WDR25: variants seen among roughly 807,000 people sequenced by gnomAD.
WDR25 encodes the protein WD repeat domain 25, also known as WD repeat-containing protein 25.
Under a neutral mutation model 47.7 loss-of-function variants are expected in WDR25, and 35 were observed. That is an observed-to-expected ratio of 0.73 (90% CI 0.56 to 0.97). WDR25 has a LOEUF of 0.97. Among genes scored for constraint, WDR25 ranks in the 50% least tolerant of loss-of-function variants. WDR25 has a pLI of 0.00. For synonymous variants in WDR25, 248 were observed against 278.9 expected (o/e 0.89, Z 1.10); for missense variants, 634 against 704.7 (o/e 0.90, Z 1.14).
At chr14:100,420,026 G>A (rs552496848) in intron 2 of WDR25, among the ~76,000 whole-genome samples, 2 of 152,238 alleles carry the variant, frequency 1.3e-5, no homozygotes, top group African/African-American at 4.8e-5. Context: ...GAGTGAACGG[G>A]TGCTCGCAGG....
At chr14:100,460,654 A>G (rs1481420430) in intron 2 of WDR25, among the ~76,000 whole-genome samples, 2 of 152,238 alleles carry the variant, frequency 1.3e-5, no homozygotes, top group Admixed American at 6.5e-5. Context: ...GTGATTAAAA[A>G]AAAACAAACT....
Position 100,381,927 on chromosome 14 carries a change from C to T in WDR25, c.822+181C>T. ...AGCTCCGGGTTGTGGGTTCCTTCTG[C>T]CCCAACCCTTCCCTGATGCTGCCTT... On this transcript the variant is annotated intron_variant, in intron 2 of 6. Coordinates refer to ENST00000402312, the MANE Select transcript of WDR25 (RefSeq NM_001161476.3). 8 of 640,124 alleles carry T rather than the reference C, an allele frequency of 1.2e-5. No homozygotes were observed. In the South Asian group the frequency reaches 1.5e-4, roughly 12 times the overall value. The allele number at this position is 640,124 out of a possible 1,614,324, so 39.7% of individuals were successfully genotyped here.
chr14:100,530,137 T>C lies in WDR25; in HGVS notation c.*96T>C. 8.0e-7 allele frequency: 1 copy of C among 1,256,286 alleles called. No individual in the cohort carries two copies. Among genetic ancestry groups the C allele is most frequent in the Non-Finnish European group, 1.1e-6 (1 of 909,690 alleles). The allele number at this position is 1,256,286 out of a possible 1,614,324, so 77.8% of individuals were successfully genotyped here. On this transcript the variant is annotated 3_prime_UTR_variant, in exon 7 of 7. Transcript: ENST00000402312. Reference sequence around the variant, plus strand: ...GAGGAACGAGCACAGAGGTTGGCTGTGGGTCCTGGGTACCACCTTCTGAGC... The same window carrying C: ...GAGGAACGAGCACAGAGGTTGGCTGCGGGTCCTGGGTACCACCTTCTGAGC...
rs560836121 is a variant in WDR25 at position 100,477,507 on chromosome 14, A to C, written c.971-6487A>C. 2.6e-5 allele frequency among the ~76,000 whole-genome samples: 4 copies of C among 152,304 alleles called. No individual in the cohort carries two copies. The East Asian group carries it at 7.7e-4, about 29-fold the overall frequency. ...ACAGGTAAACAAGCAAGATGGTCTT[A>C]AGGTTAAAGGTTATATAACAGCTAA... On this transcript the variant is annotated intron_variant, in intron 3 of 6. Transcript: ENST00000402312.
intron 2 of WDR25, among the ~76,000 whole-genome samples, chr14:100,389,849 G>C (rs1566885556): frequency 6.6e-6 from 1 of 152,116 alleles, no homozygotes; most frequent in African/African-American, 2.4e-5. Context: ...GGGGAGCTCG[G>C]CCCCCCCATA....
At chr14:100,465,754 C>A (rs184130891) in intron 2 of WDR25, among the ~76,000 whole-genome samples, 437 of 152,274 alleles carry the variant, frequency 2.9e-3, no homozygotes, top group Non-Finnish European at 4.9e-3. Context: ...TGTCATAATT[C>A]TACATTTAAT....
intron 2 of WDR25, among the ~76,000 whole-genome samples, chr14:100,461,890 C>T (rs1224568858): frequency 4.0e-5 from 5 of 125,966 alleles, no homozygotes; most frequent in African/African-American, 1.2e-4. Context: ...CTCTTATTTT[C>T]GTTGTATTTT....
At chr14:100,459,376 A>G (rs1214460441) in intron 2 of WDR25, among the ~76,000 whole-genome samples, 1 of 152,208 alleles carries the variant, frequency 6.6e-6, no homozygotes, top group Non-Finnish European at 1.5e-5. Flanking sequence ...AATTGAATTC[A>G]TGATTAAAAA....
chr14:100,442,856 T>G (rs1898711187), intron 2 of WDR25, among the ~76,000 whole-genome samples: 1 of 152,244 alleles, frequency 6.6e-6, no homozygotes, highest in Non-Finnish European at 1.5e-5. Flanking sequence ...CTGAAAGCCA[T>G]TTCTTTATGT....
intron 2 of WDR25, among the ~76,000 whole-genome samples, chr14:100,443,838 A>G (rs775453475): frequency 1.3e-4 from 20 of 152,214 alleles, no homozygotes; most frequent in Non-Finnish European, 2.8e-4. Context: ...TTGGAGCATG[A>G]GTAATAATAA....
intron 2 of WDR25, among the ~76,000 whole-genome samples, chr14:100,395,107 G>C (rs1396641750): frequency 6.6e-6 from 1 of 152,220 alleles, no homozygotes; most frequent in Non-Finnish European, 1.5e-5. Flanking sequence ...TTTAGCCCTG[G>C]ATGGTCAGTG....
intron 4 of WDR25, among the ~76,000 whole-genome samples, chr14:100,486,610 G>T (rs1432682098): frequency 6.6e-6 from 1 of 152,176 alleles, no homozygotes; most frequent in Non-Finnish European, 1.5e-5. Flanking sequence ...AGGAGGCACA[G>T]CCCCCTGCCC....
At position 100,499,181 on chromosome 14, in the gene WDR25, TG is replaced by T. The variant is rs535239834; in HGVS notation, c.1101+15059del. ...CCCAGCCATAACCACCACTGACAGTTGGTATCCTTCATTCAATTGTTTTATG... is the reference window on the plus strand; with the variant it reads ...CCCAGCCATAACCACCACTGACAGTTGTATCCTTCATTCAATTGTTTTATG... On this transcript the variant is annotated intron_variant, in intron 4 of 6. Coordinates refer to ENST00000402312, the MANE Select transcript of WDR25 (RefSeq NM_001161476.3). This position sits in a 1 kb window ranked among gnomAD's most constrained non-coding sequence, Gnocchi z 4.4. Among the ~76,000 whole-genome samples the T allele has an allele frequency of 8.7e-4, 132 of 152,380 alleles. 4 individuals carry two copies. Among genetic ancestry groups the T allele is most frequent in the Admixed American group, 8.5e-3 (130 of 15,306 alleles).
intron 3 of WDR25, among the ~76,000 whole-genome samples, chr14:100,479,416 CA>C (rs1197210970): frequency 2.9e-4 from 22 of 76,810 alleles, no homozygotes; most frequent in East Asian, 2.7e-3. Context: ...AAGAAGAGTA[CA>C]TTTTTTTTTT....
At chr14:100,491,096 C>T (rs980531266) in intron 4 of WDR25, among the ~76,000 whole-genome samples, 4 of 152,228 alleles carry the variant, frequency 2.6e-5, no homozygotes, top group African/African-American at 9.6e-5. Context: ...CCCCTTTCAG[C>T]AGCCAGTGCT....
chr14:100,527,977 CT>C (rs1482908139), intron 5 of WDR25, among the ~76,000 whole-genome samples: 1 of 152,062 alleles, frequency 6.6e-6, no homozygotes, highest in Non-Finnish European at 1.5e-5. Context: ...CTCGCGCCCC[CT>C]GTGTTTTGAG....
rs1898233788 is a variant in WDR25 at position 100,428,480 on chromosome 14, GGGGGA to G, written c.823-39540_823-39536del. 6.6e-6 allele frequency among the ~76,000 whole-genome samples: 1 copy of G among 152,186 alleles called. No individual in the cohort carries two copies. Among genetic ancestry groups the G allele is most frequent in the Non-Finnish European group, 1.5e-5 (1 of 68,030 alleles). On this transcript the variant is annotated intron_variant, in intron 2 of 6. Coordinates refer to ENST00000402312, the MANE Select transcript of WDR25 (RefSeq NM_001161476.3). This position sits in a 1 kb window ranked among gnomAD's most constrained non-coding sequence, Gnocchi z 4.3. Reference sequence around the variant, plus strand: ...GGCCTCAGCGTCCTCCTCTGTGGATGGGGGACAGTGCCTGAGCGCCGGGGGCTGCA... The same window carrying G: ...GGCCTCAGCGTCCTCCTCTGTGGATGCAGTGCCTGAGCGCCGGGGGCTGCA...
At chr14:100,434,474 G>A (rs1321873606) in intron 2 of WDR25, among the ~76,000 whole-genome samples, 1 of 152,196 alleles carries the variant, frequency 6.6e-6, no homozygotes, top group Non-Finnish European at 1.5e-5. Context: ...AGCTCTTTTC[G>A]ACTTCAGACT....
chr14:100,525,938 G>A lies in WDR25; in HGVS notation c.1170G>A (p.Glu390=). The A allele has an allele frequency of 6.2e-7, 1 of 1,614,040 alleles. No individual in the cohort carries two copies. Among genetic ancestry groups the A allele is most frequent in the Non-Finnish European group, 8.5e-7 (1 of 1,179,970 alleles). Residue 390 remains glutamate (E), a synonymous_variant, in exon 5 of 7, where the codon GAG becomes GAA. Coordinates refer to ENST00000402312, the MANE Select transcript of WDR25 (RefSeq NM_001161476.3). This position sits in a 1 kb window ranked among gnomAD's most constrained non-coding sequence, Gnocchi z 4.6. Reference sequence around the variant, plus strand: ...TCCTGTTCCTCCGGGAAGGCTCCGAGTTCCTGAGCAGCACAGACGCTTCCA... The same window carrying A: ...TCCTGTTCCTCCGGGAAGGCTCCGAATTCCTGAGCAGCACAGACGCTTCCA... ...LDILFLREGS[E]FLSSTDASTR...
Sources: allele counts gnomAD v4.1 joint callset (sites outside exome capture counted in the v4.1 genomes callset), GRCh38; gene constraint gnomAD v4.1.1; non-coding constraint Gnocchi (gnomAD v3.1); transcripts MANE v1.5; gene names NCBI Gene and HGNC (gene_info 2026-07-23, HGNC 2026-07-21).